GEMIN5: variants seen among roughly 807,000 people sequenced by gnomAD.
The protein encoded by GEMIN5 is gem nuclear organelle associated protein 5, also known as gem-associated protein 5.
A neutral mutation model predicts 176.9 loss-of-function variants in GEMIN5; 124 were observed. The ratio of observed to expected loss-of-function variants is 0.70; its 90% CI spans 0.61 to 0.81. The LOEUF (loss-of-function observed/expected upper bound fraction) is 0.81. Among genes scored for constraint, GEMIN5 ranks in the 40% least tolerant of loss-of-function variants. The pLI is 0.00. For missense variants in GEMIN5, 1,843 were observed against 1,814.6 expected, an observed-to-expected ratio of 1.02 and a Z score of -0.28; for synonymous variants, 673 against 665.2, an observed-to-expected ratio of 1.01 and a Z score of -0.18.
intron 2 of GEMIN5, among the ~76,000 whole-genome samples, 159 bp from the exon 3 acceptor site, chr5:154,936,181 C>T (rs905146497): frequency 2.6e-5 from 4 of 152,128 alleles, no homozygotes; most frequent in Admixed American, 2.6e-4. Context: ...CTTTGGGAGG[C>T]CGAGGCGGGT....
At position 154,937,961 on chromosome 5, in the gene GEMIN5, G is replaced by A; in HGVS notation, c.166+7C>T. 1.3e-6 allele frequency: 2 copies of A among 1,569,472 alleles called. No individual in the cohort carries two copies. Among genetic ancestry groups the A allele is most frequent in the East Asian group, 5.1e-5 (2 of 39,250 alleles). On this transcript the variant is annotated splice_region_variant and intron_variant, in intron 1 of 27. Transcript: ENST00000285873. ...AGTAAGTCTCGGGCCCAAGGGTGGTGAGTTACCTCGAAACGGGGGTGTCCC... is the reference window on the plus strand; with the variant it reads ...AGTAAGTCTCGGGCCCAAGGGTGGTAAGTTACCTCGAAACGGGGGTGTCCC...
In GEMIN5 at chr5:154,907,146, G is replaced by A. The variant is rs566243413; in HGVS notation, c.2395+445C>T. ...TTTTTCTGTGAGAAGACAGAAAGCC[G>A]CGTACAAACTCCACGTAAGGGGGTG... is the stretch of plus-strand genomic sequence containing the variant. On this transcript the variant is annotated intron_variant, in intron 16 of 27. Coordinates refer to ENST00000285873, the MANE Select transcript of GEMIN5 (RefSeq NM_015465.5). Among the ~76,000 whole-genome samples the A allele has an allele frequency of 1.1e-4, 16 of 152,188 alleles. No homozygotes were observed. In the South Asian group the frequency reaches 1.9e-3, roughly 18 times the overall value.
rs773862668 is a variant in GEMIN5, at chr5:154,896,197, C to G, written c.3492G>C (p.Trp1164Cys). 1 of 1,614,004 alleles carries G rather than the reference C, an allele frequency of 6.2e-7. No individual in the cohort carries two copies. Among genetic ancestry groups the G allele is most frequent in the South Asian group, 1.1e-5 (1 of 91,038 alleles). The stretch of plus-strand genomic sequence containing the variant: ...GGGTGTCAAGGCTGAAGATGCTCTT[C>G]CACACTGCAGTCACCCTCTCCACGA... ...GPFVERVTAV[W>C]KSIFSLDTPE... is the part of the protein sequence containing the mutation. Residue 1164 changes from tryptophan to cysteine, a missense_variant, in exon 24 of 28, where the codon TGG becomes TGC. Trp to Cys is a radical substitution (Grantham distance 215). Transcript: ENST00000285873.
intron 9 of GEMIN5, among the ~76,000 whole-genome samples, chr5:154,922,335 T>A (rs901555483): frequency 5.9e-5 from 9 of 152,046 alleles, no homozygotes; most frequent in Non-Finnish European, 2.9e-5. Flanking sequence ...GCCCGGCTAA[T>A]TTTTTGTACT....
At position 154,938,190 on chromosome 5, in the gene GEMIN5, C is replaced by G. The variant is rs1403567300; in HGVS notation, c.-57G>C. On this transcript the variant is annotated 5_prime_UTR_variant, in exon 1 of 28. Coordinates refer to ENST00000285873, the MANE Select transcript of GEMIN5 (RefSeq NM_015465.5). ...CCACAGCCGACCGCTCGTAGCCTCA[C>G]GCCTTAGGTAGGGAGCGGGGCGGGG... The G allele has an allele frequency of 1.0e-4, 129 of 1,280,174 alleles. No individual in the cohort carries two copies. Among genetic ancestry groups the G allele is most frequent in the Non-Finnish European group, 1.3e-4 (127 of 996,236 alleles). 79.3% of individuals were successfully genotyped at this position (1,280,174 alleles called of 1,614,324 possible).
At chr5:154,920,175 A>ATGG in intron 10 of GEMIN5, 72 bp from the exon 11 acceptor site, 5 of 1,127,768 alleles carry the variant, frequency 4.4e-6, no homozygotes, top group Non-Finnish European at 6.5e-6. Context: ...CTATAGTATG[A>ATGG]CCATACCATA....
Position 154,891,228 on chromosome 5 carries a change from C to T in GEMIN5, c.4262+13G>A, listed in dbSNP as rs1489725984. 1.2e-6 allele frequency: 2 copies of T among 1,608,568 alleles called. No homozygotes were observed. Among genetic ancestry groups the T allele is most frequent in the African/African-American group, 2.7e-5 (2 of 74,594 alleles). ...CATTTTTCATTCCGTCTTGTACTTGCCTCAGTACTTACCACTGGCTCTGAG... is the reference window on the plus strand; with the variant it reads ...CATTTTTCATTCCGTCTTGTACTTGTCTCAGTACTTACCACTGGCTCTGAG... On this transcript the variant is annotated intron_variant, in intron 26 of 27. Transcript: ENST00000285873.
intron 3 of GEMIN5, among the ~76,000 whole-genome samples, chr5:154,933,215 T>C (rs529256903): frequency 2.0e-5 from 3 of 152,334 alleles, no homozygotes; most frequent in African/African-American, 7.2e-5. Context: ...CAAACTCTAT[T>C]TGTGAATTGT....
chr5:154,898,358 T>G, intron 23 of GEMIN5, 82 bp downstream of exon 23: 1 of 1,253,398 alleles, frequency 8.0e-7, no homozygotes, highest in African/African-American at 1.5e-5. Flanking sequence ...CTTGTGCAAC[T>G]GGGTTATTAA....
In GEMIN5 at chr5:154,921,386, TAC is replaced by T; in HGVS notation, c.1417_1418del (p.Val473IlefsTer38). The T allele has an allele frequency of 6.7e-7, 1 of 1,491,380 alleles. No homozygotes were observed. Among genetic ancestry groups the T allele is most frequent in the Non-Finnish European group, 9.2e-7 (1 of 1,081,802 alleles). 92.4% of individuals were successfully genotyped at this position (1,491,380 alleles called of 1,614,324 possible). On this transcript the variant is annotated frameshift_variant, in exon 10 of 28. Coordinates refer to ENST00000285873, the MANE Select transcript of GEMIN5 (RefSeq NM_015465.5). LOFTEE classifies it high-confidence loss of function. Reference sequence around the variant, plus strand: ...CTGGTGGCCCCCAGGCTAAAGTATATACAGTCTTCTTATGATATGTGCTAGAA... The same window carrying T: ...CTGGTGGCCCCCAGGCTAAAGTATATAGTCTTCTTATGATATGTGCTAGAA... ...QISSTYHKKT[V>X]YTLAWGPPVP...
rs768821490 is a variant in GEMIN5, at chr5:154,898,562, C to T, written c.3223G>A (p.Ala1075Thr). 5.6e-6 allele frequency: 9 copies of T among 1,614,158 alleles called. No individual in the cohort carries two copies. The highest frequency in any genetic ancestry group is 6.8e-6 in the Non-Finnish European group (8 of 1,179,990). Reference protein sequence around the residue: ...AASLRTAAELAAIVGEDELSA... With the variant: ...AASLRTAAELTAIVGEDELSA... ...AACTCATCCTCTCCTACGATGGCAGCCAACTCTGCAGCCGTTCTAAGTGAT... is the reference window on the plus strand; with the variant it reads ...AACTCATCCTCTCCTACGATGGCAGTCAACTCTGCAGCCGTTCTAAGTGAT... The change falls in exon 23 of 28, where the codon GCT becomes ACT. Residue 1075 changes from alanine (A) to threonine (T), a missense_variant. Physicochemically the swap from Ala to Thr is moderately conservative, Grantham distance 58. Coordinates refer to ENST00000285873, the MANE Select transcript of GEMIN5 (RefSeq NM_015465.5).
At chr5:154,894,730 C>T (rs1409467445) in intron 24 of GEMIN5, among the ~76,000 whole-genome samples, 2 of 151,870 alleles carry the variant, frequency 1.3e-5, no homozygotes, top group African/African-American at 4.8e-5. Flanking sequence ...CATGGTGAAA[C>T]CCCTGTCTCT....
rs923818895 is a variant in GEMIN5, at chr5:154,935,906, A to G, written c.444T>C (p.Phe148=). 2 of 1,613,762 alleles carry G rather than the reference A, an allele frequency of 1.2e-6. No homozygotes were observed. The highest frequency in any genetic ancestry group is 1.1e-5 in the South Asian group (1 of 91,076). Residue 148 remains phenylalanine (F), a synonymous_variant, in exon 3 of 28, where the codon TTT becomes TTC. Coordinates refer to ENST00000285873, the MANE Select transcript of GEMIN5 (RefSeq NM_015465.5). ...WFNRNDSQHL[F]IEPRTIFCLT... ...GACAGAAAATTGTCCTGGGTTCTAT[A>G]AAGAGGTGCTGGCTGTCATTTCTGT...
chr5:154,901,275 A>C, intron 21 of GEMIN5, 64 bp downstream of exon 21: 3 of 1,427,190 alleles, frequency 2.1e-6, no homozygotes, highest in Non-Finnish European at 2.9e-6. Flanking sequence ...CTTTAACAAT[A>C]GAGAAGTTTA....
At chr5:154,909,159 A>ATTTTT (rs1763640234) in intron 15 of GEMIN5, among the ~76,000 whole-genome samples, 2 of 79,162 alleles carry the variant, frequency 2.5e-5, no homozygotes, top group Admixed American at 1.6e-4. Context: ...TTTTTTGTAG[A>ATTTTT]GATGGGGTTT....
intron 26 of GEMIN5, among the ~76,000 whole-genome samples, chr5:154,889,843 G>A (rs1405870895): frequency 6.6e-6 from 1 of 152,168 alleles, no homozygotes; most frequent in Non-Finnish European, 1.5e-5. Flanking sequence ...GTATGGATAT[G>A]GCACATTTTG....
chr5:154,905,776 T>A (rs1322741378), intron 16 of GEMIN5, among the ~76,000 whole-genome samples: 1 of 151,252 alleles, frequency 6.6e-6, no homozygotes, highest in Non-Finnish European at 1.5e-5. Flanking sequence ...CTTGGCTTAC[T>A]GCAACCTCTG....
At position 154,893,732 on chromosome 5, in the gene GEMIN5, G is replaced by A. The variant is rs557070371; in HGVS notation, c.3598-1183C>T. ...GTCTTTAAAGCTTTTGAGATTCACC[G>A]ATATTCTTCTTCTTCTTCTTTGTTT... On this transcript the variant is annotated intron_variant, in intron 24 of 27. Coordinates refer to ENST00000285873, the MANE Select transcript of GEMIN5 (RefSeq NM_015465.5). Among the ~76,000 whole-genome samples, 91 of 152,132 alleles carry A rather than the reference G, an allele frequency of 6.0e-4. No homozygotes were observed. The South Asian group carries it at 0.016, about 26-fold the overall frequency.
rs1402638124 is a variant in GEMIN5 at position 154,888,163 on chromosome 5, A to C, written c.*47T>G. The C allele has an allele frequency of 6.4e-7, 1 of 1,566,452 alleles. No homozygotes were observed. Among genetic ancestry groups the C allele is most frequent in the South Asian group, 1.1e-5 (1 of 89,946 alleles). On this transcript the variant is annotated 3_prime_UTR_variant, in exon 28 of 28. Transcript: ENST00000285873. ...TGAGGCATAACTGCAGAGGTGAAAG[A>C]TGTCAAACATTTTCAATTTGGCAGT...
Sources: gnomAD v4.1 joint callset for allele counts (sites outside exome capture counted in the v4.1 genomes callset) on GRCh38, gnomAD v4.1.1 for gene constraint, MANE v1.5 for transcripts, NCBI Gene and HGNC (gene_info 2026-07-23, HGNC 2026-07-21) for gene names.